The following POLR2J2 variants were observed in gnomAD, a reference collection of about 807,000 sequenced individuals.
POLR2J2 encodes the protein DNA-directed RNA polymerase II subunit RPB11-b1.
A neutral mutation model predicts 2.8 loss-of-function variants in POLR2J2; 3 were observed. The observed-to-expected ratio is 1.05, with a 90% CI of 0.48 to 2.72. The LOEUF is 2.72. Among genes scored for constraint, POLR2J2 ranks in the 30% most tolerant of loss-of-function variants. POLR2J2 has a pLI of 0.04. For missense variants in POLR2J2, 9 were observed against 27.8 expected (o/e 0.32, Z 1.52); for synonymous variants, 4 against 10.9 (o/e 0.37, Z 1.25).
intron 2 of POLR2J2, 137 bp from the exon 3 acceptor site, chr7:102,667,401 AAC>A (rs1461782252): frequency 1.6e-5 from 2 of 122,420 alleles, no homozygotes; most frequent in Non-Finnish European, 3.5e-5. Context: ...CAAGGAAAGT[AAC>A]ACTTTTAGGA....
chr7:102,667,828 G>A (rs1266915151), intron 2 of POLR2J2, among the ~76,000 whole-genome samples: 1 of 152,224 alleles, frequency 6.6e-6, no homozygotes, highest in African/African-American at 2.4e-5. Context: ...GGGGACCCGT[G>A]CATAGGTGGC....
chr7:102,671,407 G>T, intron 1 of POLR2J2, 145 bp downstream of exon 1: 1 of 780,782 alleles, frequency 1.3e-6, no homozygotes, highest in South Asian at 1.9e-5. Flanking sequence ...CTCGCGGAAC[G>T]GCCTTAAATT....
intron 2 of POLR2J2, among the ~76,000 whole-genome samples, chr7:102,667,718 C>T (rs1302379102): frequency 2.4e-3 from 353 of 147,516 alleles, no homozygotes; most frequent in African/African-American, 8.7e-3. Context: ...CGGCTGGCCA[C>T]GCACACTGGG....
intron 2 of POLR2J2, among the ~76,000 whole-genome samples, chr7:102,668,320 T>C: frequency 3.1e-5 from 1 of 32,784 alleles, no homozygotes; most frequent in South Asian, 1.3e-3. Flanking sequence ...CCTACTGTGC[T>C]GGAATCTGCT....
At chr7:102,667,662 G>C (rs1230851346) in intron 2 of POLR2J2, among the ~76,000 whole-genome samples, 11 of 152,162 alleles carry the variant, frequency 7.2e-5, no homozygotes, top group Admixed American at 1.3e-4. Flanking sequence ...CCGGCAGTGA[G>C]TGGAATGCAA....
intron 2 of POLR2J2, among the ~76,000 whole-genome samples, chr7:102,667,976 G>T (rs1287605133): frequency 1.3e-5 from 2 of 150,480 alleles, no homozygotes; most frequent in African/African-American, 4.9e-5. Flanking sequence ...TCACAGACGG[G>T]GAAAAGCCTG....
At chr7:102,669,517 TTCC>T (rs1257681268) in intron 1 of POLR2J2, among the ~76,000 whole-genome samples, 2 of 21,762 alleles carry the variant, frequency 9.2e-5, no homozygotes, top group African/African-American at 2.3e-4. Flanking sequence ...CTTTTCTGAA[TTCC>T]TCCTTTTTTT....
intron 2 of POLR2J2, among the ~76,000 whole-genome samples, chr7:102,667,804 G>A (rs1441249316): frequency 1.3e-5 from 2 of 152,268 alleles, no homozygotes; most frequent in South Asian, 2.1e-4. Context: ...TCAGAGTGGC[G>A]TGAGCACCAC....
At chr7:102,667,635 G>A (rs1363391248) in intron 2 of POLR2J2, among the ~76,000 whole-genome samples, 2 of 149,364 alleles carry the variant, frequency 1.3e-5, no homozygotes, top group African/African-American at 2.4e-5. Flanking sequence ...AAGGCAGCAG[G>A]AGAGGAGGGC....
chr7:102,671,286 CCAGA>C (rs1792080178), intron 1 of POLR2J2: 1 of 100,538 alleles, frequency 9.9e-6, no homozygotes, highest in Admixed American at 1.3e-4. Flanking sequence ...CTATGGAGAA[CCAGA>C]CACTCTGGGT....
At chr7:102,667,825 C>T (rs1331130097) in intron 2 of POLR2J2, among the ~76,000 whole-genome samples, 1 of 152,250 alleles carries the variant, frequency 6.6e-6, no homozygotes, top group African/African-American at 2.4e-5. Flanking sequence ...AAGGGGGACC[C>T]GTGCATAGGT....
At chr7:102,671,490 AC>A (rs1792083613) in intron 1 of POLR2J2, 61 bp downstream of exon 1, 2 of 975,798 alleles carry the variant, frequency 2.0e-6, no homozygotes, top group African/African-American at 1.8e-5. Flanking sequence ...GGCAGGAGAC[AC>A]CCCAGAATGC....
At chr7:102,667,747 C>A (rs1310405456) in intron 2 of POLR2J2, among the ~76,000 whole-genome samples, 3 of 152,404 alleles carry the variant, frequency 2.0e-5, no homozygotes, top group Non-Finnish European at 2.9e-5. Context: ...CATGGGGCTG[C>A]GTCGCGTACT....
Position 102,671,533 on chromosome 7 carries a change from C to T in POLR2J2, c.50+19G>A, listed in dbSNP as rs772226206. The T allele has an allele frequency of 9.8e-7, 1 of 1,022,742 alleles. No individual in the cohort carries two copies. Among genetic ancestry groups the T allele is most frequent in the East Asian group, 3.1e-5 (1 of 31,788 alleles). 63.4% of individuals were successfully genotyped at this position (1,022,742 alleles called of 1,614,324 possible). A position where few individuals can be genotyped will look rare whatever the true frequency, so the allele number is the denominator to read the frequency against. ...CGCAGGCCCGCGCACCTAGGCCCTC[C>T]GCAGCCGGCGTCACTTACTTCTCGC... is the stretch of plus-strand genomic sequence containing the variant. On this transcript the variant is annotated intron_variant, in intron 1 of 2. Coordinates refer to ENST00000358438, the Ensembl canonical transcript of POLR2J2.
At chr7:102,668,285 T>C (rs1276269111) in intron 2 of POLR2J2, among the ~76,000 whole-genome samples, 3 of 38,144 alleles carry the variant, frequency 7.9e-5, no homozygotes, top group South Asian at 9.7e-4. Flanking sequence ...CTTTTCAATG[T>C]CCCTCAGCAT....
intron 2 of POLR2J2, among the ~76,000 whole-genome samples, chr7:102,667,833 G>T (rs1223364104): frequency 6.6e-6 from 1 of 152,212 alleles, no homozygotes; most frequent in African/African-American, 2.4e-5. Flanking sequence ...CCCGTGCATA[G>T]GTGGCAACAC....
chr7:102,667,750 C>T (rs1209374037), intron 2 of POLR2J2, among the ~76,000 whole-genome samples: 8 of 152,290 alleles, frequency 5.3e-5, no homozygotes, highest in Middle Eastern at 3.4e-3. Context: ...GGGGCTGCGT[C>T]GCGTACTGTG....
intron 2 of POLR2J2, among the ~76,000 whole-genome samples, chr7:102,667,729 C>T (rs1792045438): frequency 6.6e-6 from 1 of 152,418 alleles, no homozygotes; most frequent in South Asian, 2.1e-4. Context: ...GCACACTGGG[C>T]CTTGTGCCAT....
chr7:102,668,941 G>A (rs771229616), exon 2 of POLR2J2: 1 of 551,894 alleles, frequency 1.8e-6, no homozygotes, highest in Non-Finnish European at 2.8e-6. Context: ...CCAGTGTGTG[G>A]TCTTCTTTGT....
Sources: gnomAD v4.1 joint callset for allele counts (sites outside exome capture counted in the v4.1 genomes callset) on GRCh38, gnomAD v4.1.1 for gene constraint, MANE v1.5 for transcripts, NCBI Gene and HGNC (gene_info 2026-07-23, HGNC 2026-07-21) for gene names.